Variants in DLG2 observed in about 807,000 individuals in gnomAD.
DLG2 encodes the protein disks large homolog 2.
A neutral mutation model predicts 132.5 loss-of-function variants in DLG2; 45 were observed. The observed-to-expected ratio is 0.34, with a 90% CI of 0.27 to 0.44. The LOEUF is 0.44. Ranked by LOEUF, DLG2 falls within the 20% of genes least tolerant of loss-of-function variation. The pLI, the probability that DLG2 is intolerant of heterozygous loss-of-function variation, is 1.00. For missense variants in DLG2, 1,045 were observed against 1,196.9 expected, an observed-to-expected ratio of 0.87 and a Z score of 1.87; for synonymous variants, 424 against 419.6, an observed-to-expected ratio of 1.01 and a Z score of -0.13.
chr11:84,945,975 C>A (rs1235020058), intron 6 of DLG2, among the ~76,000 whole-genome samples: 1 of 151,822 alleles, frequency 6.6e-6, no homozygotes, highest in Non-Finnish European at 1.5e-5. Flanking sequence ...GGAGCTTCGC[C>A]CTGTGGCTGC....
rs576276978 is a variant in DLG2, at chr11:84,980,780, T to C, written c.357+130881A>G. Among the ~76,000 whole-genome samples the C allele has an allele frequency of 3.3e-5, 5 of 152,342 alleles. No homozygotes were observed. The East Asian group carries it at 5.8e-4, about 18-fold the overall frequency. On this transcript the variant is annotated intron_variant, in intron 6 of 27. Transcript: ENST00000376104. The stretch of plus-strand genomic sequence containing the variant: ...TGGCCCTTGATTACCTATCCAGCTA[T>C]GTTTCCTATGATTCCGTGTGTATTA...
chr11:85,312,043 TC>T (rs761099308), intron 3 of DLG2, among the ~76,000 whole-genome samples: 56 of 152,008 alleles, frequency 3.7e-4, no homozygotes, highest in Non-Finnish European at 1.2e-4. Flanking sequence ...TTCTCCCTTT[TC>T]TTTATGGGCC....
At chr11:85,020,920 C>T in intron 6 of DLG2, 1 of 770,634 alleles carries the variant, frequency 1.3e-6, no homozygotes, top group Non-Finnish European at 2.4e-6. Flanking sequence ...GCAGGGTCAT[C>T]TGCACCGCCC....
chr11:83,455,020 A>G, downstream of DLG2: 1 of 152,690 alleles, frequency 6.5e-6, no homozygotes, highest in East Asian at 1.9e-4. Context: ...CATTTGCCAT[A>G]AAGTATAAAA....
At chr11:83,741,253 A>T (rs1217225656) in intron 18 of DLG2, among the ~76,000 whole-genome samples, 3 of 152,196 alleles carry the variant, frequency 2.0e-5, no homozygotes, top group Admixed American at 1.3e-4. Flanking sequence ...CAAGACAAGG[A>T]TGCCCACTCT....
At chr11:84,094,757 T>C (rs552099707) in intron 10 of DLG2, among the ~76,000 whole-genome samples, 2 of 152,278 alleles carry the variant, frequency 1.3e-5, no homozygotes, top group South Asian at 4.1e-4. Context: ...CACCTCCTGA[T>C]ATCATTACAT....
chr11:84,136,686 A>C (rs1037594395), intron 9 of DLG2, among the ~76,000 whole-genome samples: 8 of 152,164 alleles, frequency 5.3e-5, no homozygotes, highest in African/African-American at 1.9e-4. Flanking sequence ...TGGGTCAGAA[A>C]CTTTGCAGTT....
intron 6 of DLG2, among the ~76,000 whole-genome samples, chr11:85,008,782 G>A (rs932743741): frequency 6.6e-6 from 1 of 151,942 alleles, no homozygotes; most frequent in African/African-American, 2.4e-5. Flanking sequence ...CAGTGGAATG[G>A]AGACTAACAA....
At chr11:85,225,061 T>G (rs1364930642) in intron 4 of DLG2, among the ~76,000 whole-genome samples, 1 of 152,200 alleles carries the variant, frequency 6.6e-6, no homozygotes, top group Admixed American at 6.5e-5. Flanking sequence ...AAGTCTTTGT[T>G]TTTCTTCTTG....
intron 17 of DLG2, among the ~76,000 whole-genome samples, chr11:83,797,911 T>C (rs1405656064): frequency 1.3e-5 from 2 of 151,902 alleles, no homozygotes; most frequent in Non-Finnish European, 2.9e-5. Flanking sequence ...TAATGAGGAG[T>C]CATTCCTCAG....
chr11:85,470,518 T>C (rs903384263), intron 3 of DLG2, among the ~76,000 whole-genome samples: 1 of 151,932 alleles, frequency 6.6e-6, no homozygotes, highest in Non-Finnish European at 1.5e-5. Flanking sequence ...AGATCAGGAG[T>C]TCGAGACCAG....
chr11:84,562,608 C>T (rs960720868), intron 6 of DLG2, among the ~76,000 whole-genome samples: 3 of 152,170 alleles, frequency 2.0e-5, no homozygotes, highest in East Asian at 1.9e-4. Context: ...ACAGCAGTTT[C>T]GTCTTATATT....
intron 4 of DLG2, among the ~76,000 whole-genome samples, chr11:85,161,530 G>C (rs1397623874): frequency 6.6e-6 from 1 of 152,200 alleles, no homozygotes; most frequent in Non-Finnish European, 1.5e-5. Flanking sequence ...GGAATAGACA[G>C]TTACTCCGGA....
rs58418988 is a variant in DLG2, at chr11:83,982,480, TAA to T, written c.920-1840_920-1839del. 1.1e-3 allele frequency among the ~76,000 whole-genome samples: 77 copies of T among 68,556 alleles called. 2 individuals carry two copies. Among genetic ancestry groups the T allele is most frequent in the African/African-American group, 2.8e-3 (57 of 20,704 alleles). The allele number at this position is 68,556 out of a possible 152,430, so 45.0% of individuals were successfully genotyped here. A position where few individuals can be genotyped will look rare whatever the true frequency, so the allele number is the denominator to read the frequency against. On this transcript the variant is annotated intron_variant, in intron 11 of 27. Transcript: ENST00000376104. ...CATTTTTAACAAAAAGTTTAACGTG[TAA>T]AAAAAAAAAAAAAAAAAGAAAAGCT...
At chr11:83,972,140 T>G (rs898375233) in intron 12 of DLG2, among the ~76,000 whole-genome samples, 1 of 152,118 alleles carries the variant, frequency 6.6e-6, no homozygotes, top group Non-Finnish European at 1.5e-5. Context: ...TTAAATTTAC[T>G]AGAAATAATA....
intron 6 of DLG2, among the ~76,000 whole-genome samples, chr11:84,630,754 T>A (rs2099630154): frequency 6.6e-6 from 1 of 152,146 alleles, no homozygotes; most frequent in Admixed American, 6.6e-5. Context: ...GGCATAACTC[T>A]TTATGTTCCA....
At chr11:84,148,894 T>C (rs1352146196) in intron 9 of DLG2, among the ~76,000 whole-genome samples, 3 of 152,196 alleles carry the variant, frequency 2.0e-5, no homozygotes, top group Admixed American at 2.0e-4. Context: ...TTTTTTGACC[T>C]ATTATCAAAA....
intron 14 of DLG2, among the ~76,000 whole-genome samples, chr11:83,943,618 A>G (rs75280932): frequency 1.3e-5 from 2 of 152,366 alleles, no homozygotes; most frequent in East Asian, 3.9e-4. Flanking sequence ...TACTAACAAG[A>G]TTCTACTTAA....
chr11:84,817,904 G>T (rs753005718), intron 6 of DLG2, among the ~76,000 whole-genome samples: 5 of 151,756 alleles, frequency 3.3e-5, no homozygotes, highest in Admixed American at 1.3e-4. Context: ...AATAGGAAGA[G>T]GTCTTCTTCT....
Sources: gnomAD v4.1 joint callset for allele counts (sites outside exome capture counted in the v4.1 genomes callset) on GRCh38, gnomAD v4.1.1 for gene constraint, MANE v1.5 for transcripts, NCBI Gene and HGNC (gene_info 2026-07-23, HGNC 2026-07-21) for gene names.